The following RBM25 variants were observed in gnomAD, a reference collection of about 807,000 sequenced individuals.
RBM25 encodes the protein RNA binding motif protein 25.
A neutral mutation model predicts 120.7 loss-of-function variants in RBM25; 19 were observed. The observed-to-expected ratio is 0.16, with a 90% CI of 0.11 to 0.23. The LOEUF is 0.23. RBM25 is among the 10% of genes least tolerant of loss of function. RBM25 has a pLI of 1.00. For missense variants in RBM25, 605 were observed against 1,041.5 expected (o/e 0.58, Z 5.77); for synonymous variants, 390 against 326.7 (o/e 1.19, Z -2.09).
chr14:73,065,781 C>T (rs982269223), intron 1 of RBM25, among the ~76,000 whole-genome samples: 1 of 151,620 alleles, frequency 6.6e-6, no homozygotes, highest in Non-Finnish European at 1.5e-5. Context: ...TCTCGAACTC[C>T]TGACCTCCAG....
At chr14:73,075,679 T>A (rs538782539) in intron 2 of RBM25, among the ~76,000 whole-genome samples, 1 of 152,362 alleles carries the variant, frequency 6.6e-6, no homozygotes, top group East Asian at 1.9e-4. Flanking sequence ...TTTACATACT[T>A]ATTTTTTGTT....
chr14:73,120,092 A>T lies in RBM25; in HGVS notation c.*287A>T, dbSNP rs2140470578. 74 of 211,016 alleles carry T rather than the reference A, an allele frequency of 3.5e-4. No individual in the cohort carries two copies. Among genetic ancestry groups the T allele is most frequent in the Non-Finnish European group, 4.7e-4 (51 of 108,740 alleles). The allele number at this position is 211,016 out of a possible 1,614,324, so 13.1% of individuals were successfully genotyped here. A position where few individuals can be genotyped will look rare whatever the true frequency, so the allele number is the denominator to read the frequency against. ...TATCTGATATAATCTTGTTCTGCTG[A>T]TTTGTTTCTTGTAAATATTAAAACG... is the stretch of plus-strand genomic sequence containing the variant. On this transcript the variant is annotated 3_prime_UTR_variant, in exon 19 of 19. Transcript: ENST00000261973.
intron 6 of RBM25, chr14:73,088,452 A>G: frequency 5.7e-6 from 3 of 522,728 alleles, no homozygotes; most frequent in Non-Finnish European, 1.1e-5. Flanking sequence ...AAACAGAGCT[A>G]ATTCATTAAG....
chr14:73,117,554 C>T (rs1283783343), intron 18 of RBM25, among the ~76,000 whole-genome samples: 6 of 152,038 alleles, frequency 3.9e-5, no homozygotes, highest in Admixed American at 3.9e-4. Flanking sequence ...TTATTAAGCA[C>T]TTGTTATATA....
At chr14:73,094,567 C>T (rs541116184) in intron 6 of RBM25, among the ~76,000 whole-genome samples, 12 of 152,028 alleles carry the variant, frequency 7.9e-5, no homozygotes, top group Non-Finnish European at 1.5e-4. Context: ...CCTGCCTCGG[C>T]CTCCCAAGTA....
At chr14:73,068,137 CCTAGATGG>C (rs1282317293) in intron 1 of RBM25, 3 of 800,472 alleles carry the variant, frequency 3.7e-6, no homozygotes, top group Non-Finnish European at 6.2e-6. Context: ...GAAGGTTGGT[CCTAGATGG>C]CTGCTTGGTC....
rs1164571851 is a variant in RBM25 at position 73,063,917 on chromosome 14, C to CTGCTCCAGTCAT, written c.-16+5213_-16+5214insGCTCCAGTCATT. On this transcript the variant is annotated intron_variant, in intron 1 of 18. Coordinates refer to ENST00000261973, the MANE Select transcript of RBM25 (RefSeq NM_021239.3). The stretch of plus-strand genomic sequence containing the variant: ...ATACTCAGTATTTATTTCTGATTTT[C>CTGCTCCAGTCAT]TTCATTTATTCTGCTCCAGTCATAC... Among the ~76,000 whole-genome samples, 18 of 151,552 alleles carry CTGCTCCAGTCAT rather than the reference C, an allele frequency of 1.2e-4. 2 individuals are homozygous for CTGCTCCAGTCAT. In the South Asian group the frequency reaches 2.5e-3, roughly 21 times the overall value.
chr14:73,103,962 A>T (rs1393380122), intron 10 of RBM25, among the ~76,000 whole-genome samples: 6 of 121,230 alleles, frequency 4.9e-5, no homozygotes, highest in Admixed American at 8.5e-5. Flanking sequence ...ACACACACAC[A>T]CACACACACA....
chr14:73,104,703 G>T (rs1896143194), intron 10 of RBM25, among the ~76,000 whole-genome samples: 1 of 152,066 alleles, frequency 6.6e-6, no homozygotes, highest in Admixed American at 6.6e-5. Context: ...TCTCACTGTT[G>T]AATAATGAGG....
In RBM25 at chr14:73,064,682, C is replaced by T. The variant is rs950821177; in HGVS notation, c.-16+5977C>T. On this transcript the variant is annotated intron_variant, in intron 1 of 18. Transcript: ENST00000261973. ...TGCTGGGATTACAGATGTGAGCCAC[C>T]GCGCCCAGGAGAGGCCAGTTATCTT... 4.6e-5 allele frequency among the ~76,000 whole-genome samples: 7 copies of T among 151,130 alleles called. 1 individual carries two copies. Among genetic ancestry groups the T allele is most frequent in the Non-Finnish European group, 7.4e-5 (5 of 67,458 alleles).
intron 1 of RBM25, among the ~76,000 whole-genome samples, chr14:73,070,933 G>A (rs1346387348): frequency 1.5e-5 from 2 of 137,100 alleles, no homozygotes; most frequent in African/African-American, 5.5e-5. Flanking sequence ...GCGATAGAGC[G>A]AGACTCCATC....
intron 1 of RBM25, chr14:73,068,346 G>A: frequency 1.4e-6 from 1 of 715,348 alleles, no homozygotes; most frequent in Non-Finnish European, 2.5e-6. Context: ...TTTCGTCTTG[G>A]CAGTGAGCAG....
chr14:73,084,017 C>T (rs1486153022), intron 5 of RBM25, among the ~76,000 whole-genome samples: 3 of 151,820 alleles, frequency 2.0e-5, no homozygotes, highest in African/African-American at 7.3e-5. Context: ...CCTGCTTCAG[C>T]CTCCTGAGTA....
chr14:73,067,895 G>A (rs947071254), intron 1 of RBM25, among the ~76,000 whole-genome samples: 5 of 151,744 alleles, frequency 3.3e-5, no homozygotes, highest in African/African-American at 4.8e-5. Flanking sequence ...CACCGCGCCC[G>A]GCCTGTATTT....
chr14:73,109,320 C>T, intron 13 of RBM25, 22 bp from the exon 14 acceptor site: 1 of 1,605,622 alleles, frequency 6.2e-7, no homozygotes, highest in African/African-American at 1.3e-5. Context: ...TAAATGAAGC[C>T]TTTTATCATT....
rs1407911666 is a variant in RBM25, at chr14:73,106,280, G to C, written c.1462G>C (p.Glu488Gln). Residue 488 changes from glutamate to glutamine, a missense_variant, in exon 12 of 19, where the codon GAA (glutamate) becomes CAA (glutamine). This residue lies in a region of RBM25 where 465 missense variants were observed against 741.6 expected (regional missense o/e 0.63). Transcript: ENST00000261973. The part of the protein sequence containing the change: ...EAEREEERRR[E>Q]MAKEAKRLKE... ...TGAAAGAGAAGAAGAAAGAAGAAGAGAAATGGTAAGATTCTAGGCTAAAAT... is the reference window on the plus strand; with the variant it reads ...TGAAAGAGAAGAAGAAAGAAGAAGACAAATGGTAAGATTCTAGGCTAAAAT... 47 of 1,573,220 alleles carry C rather than the reference G, an allele frequency of 3.0e-5. No individual in the cohort carries two copies. The highest frequency in any genetic ancestry group is 3.9e-5 in the Non-Finnish European group (45 of 1,159,712).
At chr14:73,088,270 GT>G in intron 6 of RBM25, 109 bp downstream of exon 6, 1 of 1,380,362 alleles carries the variant, frequency 7.2e-7, no homozygotes, top group East Asian at 2.3e-5. Flanking sequence ...CATCATGTAT[GT>G]GCTTGTGGCT....
intron 6 of RBM25, among the ~76,000 whole-genome samples, chr14:73,096,173 C>T (rs1895937935): frequency 6.6e-6 from 1 of 152,074 alleles, no homozygotes; most frequent in Non-Finnish European, 1.5e-5. Context: ...AGTGGGGTTT[C>T]ACCATGTTGG....
chr14:73,087,440 G>T (rs1171959409), intron 5 of RBM25, among the ~76,000 whole-genome samples: 1 of 147,892 alleles, frequency 6.8e-6, no homozygotes, highest in East Asian at 2.0e-4. Flanking sequence ...CTTTCGCCCA[G>T]GCCGGACTGC....
Sources: allele counts gnomAD v4.1 joint callset (sites outside exome capture counted in the v4.1 genomes callset), GRCh38; gene constraint gnomAD v4.1.1; regional missense constraint gnomAD v4.1.1; transcripts MANE v1.5; gene names NCBI Gene and HGNC (gene_info 2026-07-23, HGNC 2026-07-21).